Variants in CALR3 observed in about 807,000 individuals in gnomAD.
CALR3 encodes the protein calreticulin-3.
CALR3 carries 39 observed loss-of-function variants against 48.7 expected under a neutral mutation model. The ratio of observed to expected loss-of-function variants is 0.80; its 90% CI spans 0.62 to 1.05. The LOEUF is 1.05. Ranked by LOEUF, CALR3 falls within the 50% of genes least tolerant of loss-of-function variation. The pLI is 0.00. For synonymous variants in CALR3, 185 were observed against 172.7 expected, an observed-to-expected ratio of 1.07 and a Z score of -0.56; for missense variants, 449 against 474.7, an observed-to-expected ratio of 0.95 and a Z score of 0.50.
intron 3 of CALR3, among the ~76,000 whole-genome samples, chr19:16,489,216 G>A (rs558884250): frequency 1.2e-3 from 183 of 152,348 alleles, no homozygotes; most frequent in African/African-American, 4.3e-3. Flanking sequence ...CAGGCGTGGT[G>A]GCTCACGCCT....
rs768736111 is a variant in CALR3 at position 16,479,173 on chromosome 19, G to A, written c.1113C>T (p.His371=). Reference sequence around the variant, plus strand: ...TGTGAAATTGATTGAAGTAATGTTCGTGCCTGTTAATTTTTCCCGACAGCA... The same window carrying A: ...TGTGAAATTGATTGAAGTAATGTTCATGCCTGTTAATTTTTCCCGACAGCA... The part of the protein sequence containing the change: ...EELLSGKINR[H]EHYFNQFHRR... The change falls in exon 9 of 9, where the codon CAC becomes CAT. Residue 371 remains histidine (H), a synonymous_variant. Coordinates refer to ENST00000269881, the MANE Select transcript of CALR3 (RefSeq NM_145046.5). 2.1e-5 allele frequency: 34 copies of A among 1,613,962 alleles called. No homozygotes were observed. The highest frequency in any genetic ancestry group is 2.8e-5 in the Non-Finnish European group (33 of 1,180,020).
intron 4 of CALR3, among the ~76,000 whole-genome samples, chr19:16,484,847 ATATTTCATTCATT>A (rs2093386774): frequency 6.6e-6 from 1 of 152,186 alleles, no homozygotes; most frequent in Non-Finnish European, 1.5e-5. Flanking sequence ...TTCATCCTGA[ATATTTCATTCATT>A]AATGAGGATG....
At chr19:16,481,797 C>CCTTTT (rs1457365657) in intron 7 of CALR3, among the ~76,000 whole-genome samples, 9 of 151,688 alleles carry the variant, frequency 5.9e-5, no homozygotes, top group African/African-American at 2.2e-4. Flanking sequence ...CTGAGCCCAG[C>CCTTTT]TGGGATCACC....
chr19:16,485,476 T>C lies in CALR3; in HGVS notation c.398-219A>G, dbSNP rs533147598. Among the ~76,000 whole-genome samples, 237 of 152,064 alleles carry C rather than the reference T, an allele frequency of 1.6e-3. 1 individual carries two copies. Among genetic ancestry groups the C allele is most frequent in the South Asian group, 0.013 (62 of 4,816 alleles). On this transcript the variant is annotated intron_variant, in intron 3 of 8. Coordinates refer to ENST00000269881, the MANE Select transcript of CALR3 (RefSeq NM_145046.5). ...CTGGGACTACAGGCGCATGCCACGA[T>C]GCCCAGCTAATTTTTGTATTTTTAG...
At chr19:16,489,053 C>A (rs2093393653) in intron 3 of CALR3, among the ~76,000 whole-genome samples, 1 of 152,210 alleles carries the variant, frequency 6.6e-6, no homozygotes, top group South Asian at 2.1e-4. Flanking sequence ...TTTCATGTAT[C>A]ACAAAATATC....
At chr19:16,489,816 C>G (rs1355876149) in intron 3 of CALR3, among the ~76,000 whole-genome samples, 2 of 133,714 alleles carry the variant, frequency 1.5e-5, no homozygotes, top group Non-Finnish European at 3.1e-5. Context: ...AACTCGGGCT[C>G]GAAACAAAAA....
At chr19:16,495,149 C>G (rs1012641977) in intron 2 of CALR3, among the ~76,000 whole-genome samples, 3 of 151,252 alleles carry the variant, frequency 2.0e-5, no homozygotes, top group African/African-American at 7.3e-5. Flanking sequence ...TCACTTGAAC[C>G]CGGGAGACGG....
At chr19:16,495,069 TA>T (rs35546726) in intron 2 of CALR3, among the ~76,000 whole-genome samples, 1 of 151,142 alleles carries the variant, frequency 6.6e-6, no homozygotes, top group African/African-American at 2.4e-5. Context: ...ACTCTGTCTC[TA>T]AAAAAATTAG....
rs181843053 is a variant in CALR3, at chr19:16,480,405, A to T, written c.1011+209T>A. ...CCTCTCTACTAAAAATACACAAATT[A>T]GCCGGACGTGGTGGCATGCGCCTGT... On this transcript the variant is annotated intron_variant, in intron 8 of 8. Transcript: ENST00000269881. Among the ~76,000 whole-genome samples, 31 of 151,580 alleles carry T rather than the reference A, an allele frequency of 2.0e-4. No homozygotes were observed. The East Asian group carries it at 5.7e-3, about 28-fold the overall frequency.
chr19:16,494,277 G>T (rs1300575407), intron 2 of CALR3, among the ~76,000 whole-genome samples: 1 of 152,128 alleles, frequency 6.6e-6, no homozygotes, highest in Non-Finnish European at 1.5e-5. Flanking sequence ...GACCAGGCTG[G>T]TCTCAAACTC....
At chr19:16,493,460 C>T (rs75238616) in intron 2 of CALR3, among the ~76,000 whole-genome samples, 8,745 of 152,134 alleles carry the variant, frequency 0.057, 267 homozygotes, top group South Asian at 0.078. Flanking sequence ...CTTCAGAACA[C>T]TGACTTCTAT....
Position 16,479,263 on chromosome 19 carries a change from C to G in CALR3, c.1023G>C (p.Arg341Ser). 6.2e-7 allele frequency: 1 copy of G among 1,614,058 alleles called. No homozygotes were observed. The highest frequency in any genetic ancestry group is 8.5e-7 in the Non-Finnish European group (1 of 1,180,004). The change falls in exon 9 of 9, where the codon AGG (arginine) becomes AGC (serine). Residue 341 changes from arginine to serine, a missense_variant. Arg to Ser is a moderately radical substitution (Grantham distance 110). Transcript: ENST00000269881. ...CCTTGGCCTGTATGGCATCCATCTCCCTTTCTGGACCCTGGAGAAAGAAAG... is the reference window on the plus strand; with the variant it reads ...CCTTGGCCTGTATGGCATCCATCTCGCTTTCTGGACCCTGGAGAAAGAAAG... ...ATWGETKGPEREMDAIQAKEE... is the reference protein window; with the variant it reads ...ATWGETKGPESEMDAIQAKEE...
chr19:16,480,550 TAAAA>T, intron 8 of CALR3, 60 bp downstream of exon 8: 1 of 970,260 alleles, frequency 1.0e-6, no homozygotes, highest in Non-Finnish European at 1.5e-6. Context: ...AGACTCCATC[TAAAA>T]AAAAAAAATT....
At chr19:16,489,473 G>A (rs1044568987) in intron 3 of CALR3, among the ~76,000 whole-genome samples, 1 of 152,124 alleles carries the variant, frequency 6.6e-6, no homozygotes, top group African/African-American at 2.4e-5. Context: ...ACAAAAATTA[G>A]CTGGGCATGG....
Position 16,484,184 on chromosome 19 carries a change from T to C in CALR3, c.493-69A>G, listed in dbSNP as rs1322164016. 14 of 1,440,462 alleles carry C rather than the reference T, an allele frequency of 9.7e-6. No homozygotes were observed. In the South Asian group the frequency reaches 1.3e-4, roughly 13 times the overall value. 89.2% of individuals were successfully genotyped at this position (1,440,462 alleles called of 1,614,324 possible). On this transcript the variant is annotated intron_variant, in intron 4 of 8. Coordinates refer to ENST00000269881, the MANE Select transcript of CALR3 (RefSeq NM_145046.5). ...TTCTTTTTTCTTTTCTTTTCTTTTT[T>C]TTTTTTTTTTTGAGATGGAGTCTCA... is the stretch of plus-strand genomic sequence containing the variant.
At chr19:16,485,547 T>C (rs746881995) in intron 3 of CALR3, among the ~76,000 whole-genome samples, 3 of 152,176 alleles carry the variant, frequency 2.0e-5, no homozygotes, top group Non-Finnish European at 4.4e-5. Context: ...CTCAAACTCC[T>C]GACCTTGTGA....
chr19:16,482,363 A>G, intron 7 of CALR3, 87 bp downstream of exon 7: 1 of 1,565,932 alleles, frequency 6.4e-7, no homozygotes, highest in Non-Finnish European at 8.7e-7. Flanking sequence ...TAGGTGACAG[A>G]ATGAGACCCT....
In CALR3 at chr19:16,482,905, T is replaced by G. The variant is rs2093383388; in HGVS notation, c.679-120A>C. Reference sequence around the variant, plus strand: ...TCTCACCCAGGCTGGAGTGCGGTTGTGCAATCATGGCTCACTGCAGCCTCA... The same window carrying G: ...TCTCACCCAGGCTGGAGTGCGGTTGGGCAATCATGGCTCACTGCAGCCTCA... On this transcript the variant is annotated intron_variant, in intron 5 of 8. Coordinates refer to ENST00000269881, the MANE Select transcript of CALR3 (RefSeq NM_145046.5). 8.8e-6 allele frequency: 8 copies of G among 912,842 alleles called. No individual in the cohort carries two copies. The Admixed American group carries it at 1.4e-4, about 16-fold the overall frequency. The allele number at this position is 912,842 out of a possible 1,614,324, so 56.5% of individuals were successfully genotyped here. A position where few individuals can be genotyped will look rare whatever the true frequency, so the allele number is the denominator to read the frequency against.
At chr19:16,488,692 G>A (rs777082237) in intron 3 of CALR3, among the ~76,000 whole-genome samples, 5 of 152,176 alleles carry the variant, frequency 3.3e-5, no homozygotes, top group East Asian at 1.9e-4. Flanking sequence ...ACAGGTGTGA[G>A]CCGCGACACC....
Sources: allele counts gnomAD v4.1 joint callset (sites outside exome capture counted in the v4.1 genomes callset), GRCh38; gene constraint gnomAD v4.1.1; transcripts MANE v1.5; gene names NCBI Gene and HGNC (gene_info 2026-07-23, HGNC 2026-07-21).